Variants in INSRR observed in about 807,000 individuals in gnomAD.
INSRR encodes insulin receptor-related protein.
In INSRR, 114 loss-of-function variants were observed where a neutral mutation model predicts 130.0. That is an observed-to-expected ratio of 0.88 (90% CI 0.75 to 1.02). The LOEUF (loss-of-function observed/expected upper bound fraction) is 1.02, where lower values mean the gene tolerates loss of function less well. INSRR is among the 50% of genes least tolerant of loss of function. The pLI, the probability that INSRR is intolerant of heterozygous loss-of-function variation, is 0.00. For synonymous variants in INSRR, 674 were observed against 705.2 expected (o/e 0.96, Z 0.70); for missense variants, 1,657 against 1,735.2 (o/e 0.95, Z 0.80).
intron 1 of INSRR, among the ~76,000 whole-genome samples, chr1:156,858,143 C>G (rs1044846106): frequency 6.6e-6 from 1 of 152,194 alleles, no homozygotes; most frequent in Admixed American, 6.5e-5. Context: ...GGCAACATTG[C>G]CTCCATTACT....
chr1:156,848,482 C>A (rs1655086990), intron 7 of INSRR, among the ~76,000 whole-genome samples: 1 of 152,188 alleles, frequency 6.6e-6, no homozygotes, highest in Non-Finnish European at 1.5e-5. Context: ...AAGAAAAGAG[C>A]AGCTGTGGTC....
At chr1:156,846,492 T>A (rs1393473694) in intron 8 of INSRR, 27 bp downstream of exon 8, 1 of 1,567,370 alleles carries the variant, frequency 6.4e-7, no homozygotes, top group East Asian at 2.2e-5. Flanking sequence ...GGCGTCTGAC[T>A]GACTCTTGCA....
chr1:156,843,546 A>G, intron 15 of INSRR, 67 bp from the exon 16 acceptor site: 1 of 1,482,364 alleles, frequency 6.7e-7, no homozygotes, highest in Non-Finnish European at 9.4e-7. Flanking sequence ...CATCAGAAGA[A>G]GGAAGAAGGA....
rs761036015 is a variant in INSRR, at chr1:156,842,220, C to T, written c.3289G>A (p.Gly1097Ser). 1.2e-6 allele frequency: 2 copies of T among 1,614,066 alleles called. No individual in the cohort carries two copies. Among genetic ancestry groups the T allele is most frequent in the South Asian group, 2.2e-5 (2 of 91,056 alleles). ...PALGEMIQMA[G>S]EIADGMAYLA... ...TAGGCCATGCCGTCTGCAATCTCAC[C>T]AGCCATTTGGATCATTTCCCCCAAT... Residue 1097 changes from glycine to serine, a missense_variant, in exon 19 of 22, where the codon GGT becomes AGT. Physicochemically the swap from Gly to Ser is moderately conservative, Grantham distance 56. Coordinates refer to ENST00000368195, the MANE Select transcript of INSRR (RefSeq NM_014215.3).
chr1:156,842,571 T>A, intron 17 of INSRR, 63 bp from the exon 18 acceptor site: 1 of 1,215,352 alleles, frequency 8.2e-7, no homozygotes, highest in Non-Finnish European at 1.2e-6. Context: ...GCCAAAATTC[T>A]GATCTGCTAT....
rs532591512 is a variant in INSRR at position 156,858,650 on chromosome 1, C to G, written c.-29G>C. On this transcript the variant is annotated 5_prime_UTR_variant, in exon 1 of 22. Transcript: ENST00000368195. ...CCCAGCCCTGGCTTGTGTCCAGTCC[C>G]GGCTCTCCTCCCGGTGACTCTGGGG... 1 of 1,593,482 alleles carries G rather than the reference C, an allele frequency of 6.3e-7. No homozygotes were observed.
At position 156,845,071 on chromosome 1, in the gene INSRR, C is replaced by T; in HGVS notation, c.2437+5G>A. ...GGGTAGAAGGTGTGTGTGTGGATCACCTACTGTGGGGCATGGTGCGCGCAA... is the reference window on the plus strand; with the variant it reads ...GGGTAGAAGGTGTGTGTGTGGATCATCTACTGTGGGGCATGGTGCGCGCAA... On this transcript the variant is annotated splice_donor_5th_base_variant and intron_variant, in intron 12 of 21. Transcript: ENST00000368195. 2 of 1,602,228 alleles carry T rather than the reference C, an allele frequency of 1.2e-6. No individual in the cohort carries two copies. Among genetic ancestry groups the T allele is most frequent in the Non-Finnish European group, 1.7e-6 (2 of 1,175,260 alleles).
chr1:156,849,305 G>T lies in INSRR; in HGVS notation c.1385C>A (p.Thr462Lys), dbSNP rs1481817447. The T allele has an allele frequency of 1.2e-6, 2 of 1,613,984 alleles. No homozygotes were observed. The highest frequency in any genetic ancestry group is 1.7e-6 in the Non-Finnish European group (2 of 1,180,026). ...HIYRLEEVTG[T>K]RGRQNKAEIN... is the part of the protein sequence containing the mutation. ...CTCAGCCTTGTTCTGCCGACCTCGC[G>T]TGCCTGTCACCTCCTCCAGTCGGTA... is the stretch of plus-strand genomic sequence containing the variant. Residue 462 changes from threonine (T) to lysine (K), a missense_variant, in exon 6 of 22, where the codon ACG (threonine) becomes AAG (lysine). Physicochemically the swap from Thr to Lys is moderately conservative, Grantham distance 78. Transcript: ENST00000368195.
chr1:156,849,198 G>A, intron 6 of INSRR, 48 bp downstream of exon 6: 2 of 1,606,918 alleles, frequency 1.2e-6, no homozygotes, highest in Non-Finnish European at 1.7e-6. Context: ...GGGTGTGCGT[G>A]TCTAGTGTGT....
chr1:156,845,208 G>C lies in INSRR; in HGVS notation c.2305C>G (p.Arg769Gly), dbSNP rs753673150. The C allele has an allele frequency of 3.7e-6, 6 of 1,609,332 alleles. No homozygotes were observed. Among genetic ancestry groups the C allele is most frequent in the South Asian group, 1.1e-5 (1 of 90,316 alleles). The change falls in exon 12 of 22, where the codon CGT (arginine) becomes GGT (glycine). Residue 769 changes from arginine (R) to glycine (G), a missense_variant. Arg to Gly is a moderately radical substitution (Grantham distance 125, BLOSUM62 -2). Transcript: ENST00000368195. ...DFEIQEDKVPRERAVLSGLRH... is the reference protein window; with the variant it reads ...DFEIQEDKVPGERAVLSGLRH... ...AGGCCGCTCAGCACCGCTCGCTCACGGGGCACCTTGTCCTCCTGGATCTCG... is the reference window on the plus strand; with the variant it reads ...AGGCCGCTCAGCACCGCTCGCTCACCGGGCACCTTGTCCTCCTGGATCTCG...
intron 15 of INSRR, 146 bp from the exon 16 acceptor site, chr1:156,843,625 T>G: frequency 1.2e-6 from 1 of 814,926 alleles, no homozygotes. Flanking sequence ...TGGGGATCCC[T>G]AAGTACCCTC....
chr1:156,840,742 G>C lies in INSRR; in HGVS notation c.*131C>G, dbSNP rs1234217239. On this transcript the variant is annotated 3_prime_UTR_variant, in exon 22 of 22. Coordinates refer to ENST00000368195, the MANE Select transcript of INSRR (RefSeq NM_014215.3). ...CACCCCCACAGCCTTCCCTGCTCCT[G>C]TTCTCTGCCCCACCCTCGGCCATCC... The C allele has an allele frequency of 4.0e-5, 29 of 719,438 alleles. No individual in the cohort carries two copies. The highest frequency in any genetic ancestry group is 6.5e-5 in the Non-Finnish European group (27 of 415,524). 44.6% of individuals were successfully genotyped at this position (719,438 alleles called of 1,614,324 possible).
chr1:156,858,394 G>T, intron 1 of INSRR, 143 bp downstream of exon 1: 1 of 668,312 alleles, frequency 1.5e-6, no homozygotes, highest in East Asian at 2.7e-5. Flanking sequence ...TTTTCCTGCT[G>T]GGCAGTTCTC....
At position 156,844,166 on chromosome 1, in the gene INSRR, T is replaced by C. The variant is rs1191890659; in HGVS notation, c.2843+9A>G. 6.2e-7 allele frequency: 1 copy of C among 1,605,978 alleles called. No homozygotes were observed. The highest frequency in any genetic ancestry group is 8.5e-7 in the Non-Finnish European group (1 of 1,173,344). ...AAAGGGGGTGGGGACCGGTGGGACTTATCATCACCTCTTCTTGCCGTAGAA... is the reference window on the plus strand; with the variant it reads ...AAAGGGGGTGGGGACCGGTGGGACTCATCATCACCTCTTCTTGCCGTAGAA... On this transcript the variant is annotated intron_variant, in intron 15 of 21. Coordinates refer to ENST00000368195, the MANE Select transcript of INSRR (RefSeq NM_014215.3).
intron 7 of INSRR, 82 bp downstream of exon 7, chr1:156,848,839 T>A: frequency 6.7e-7 from 1 of 1,486,386 alleles, no homozygotes; most frequent in Non-Finnish European, 9.0e-7. Flanking sequence ...CTCGCTGAGC[T>A]CCGCCCTCAC....
At chr1:156,857,034 A>G (rs953366774) in intron 1 of INSRR, among the ~76,000 whole-genome samples, 2 of 151,948 alleles carry the variant, frequency 1.3e-5, no homozygotes, top group Non-Finnish European at 2.9e-5. Context: ...ATGCCACGCT[A>G]TCCAGGCCCC....
At chr1:156,858,193 C>G (rs1440911193) in intron 1 of INSRR, among the ~76,000 whole-genome samples, 1 of 152,216 alleles carries the variant, frequency 6.6e-6, no homozygotes, top group African/African-American at 2.4e-5. Context: ...CCACCCCTGC[C>G]TCTTCCCATT....
Position 156,845,134 on chromosome 1 carries a change from C to CGTG in INSRR, c.2378_2379insCAC (p.Ala793_Ala794insThr). On this transcript the variant is annotated inframe_insertion, in exon 12 of 22. Coordinates refer to ENST00000368195, the MANE Select transcript of INSRR (RefSeq NM_014215.3). ...CGGCGCTGCAGCCCACGGTGTGCGCCGCGTGGTTGCAGGCATGGATGTCGA... is the reference window on the plus strand; with the variant it reads ...CGGCGCTGCAGCCCACGGTGTGCGCCGTGGCGTGGTTGCAGGCATGGATGTCGA... The CGTG allele has an allele frequency of 6.2e-7, 1 of 1,611,822 alleles. No homozygotes were observed. The highest frequency in any genetic ancestry group is 8.5e-7 in the Non-Finnish European group (1 of 1,179,376).
At chr1:156,843,583 A>G in intron 15 of INSRR, 104 bp from the exon 16 acceptor site, 1 of 1,195,846 alleles carries the variant, frequency 8.4e-7, no homozygotes, top group South Asian at 1.2e-5. Context: ...GAAGTTACTG[A>G]CCACACCCCC....
Sources: allele counts gnomAD v4.1 joint callset (sites outside exome capture counted in the v4.1 genomes callset), GRCh38; gene constraint gnomAD v4.1.1; transcripts MANE v1.5; gene names NCBI Gene and HGNC (gene_info 2026-07-23, HGNC 2026-07-21).